The following BBS9 variants were observed in gnomAD, a reference collection of about 807,000 sequenced individuals.
BBS9 encodes protein PTHB1.
Under a neutral mutation model 117.7 loss-of-function variants are expected in BBS9, and 89 were observed. The ratio of observed to expected loss-of-function variants is 0.76; its 90% confidence interval spans 0.64 to 0.90. The LOEUF is 0.90. Among genes scored for constraint, BBS9 ranks in the 40% least tolerant of loss-of-function variants. The probability of loss-of-function intolerance (pLI) is 0.00; values close to 1 mark genes in which losing one functional copy is unlikely to be tolerated. For synonymous variants in BBS9, 379 were observed against 370.9 expected, an observed-to-expected ratio of 1.02 and a Z score of -0.25; for missense variants, 982 against 1,042.2, an observed-to-expected ratio of 0.94 and a Z score of 0.80.
intron 19 of BBS9, among the ~76,000 whole-genome samples, chr7:33,502,108 A>C (rs745914566): frequency 2.0e-5 from 3 of 151,900 alleles, no homozygotes; most frequent in African/African-American, 4.8e-5. Flanking sequence ...TGGGTTTTCA[A>C]CATGTTGGCC....
intron 20 of BBS9, among the ~76,000 whole-genome samples, chr7:33,507,498 C>T (rs1380603381): frequency 6.6e-6 from 1 of 152,210 alleles, no homozygotes; most frequent in Non-Finnish European, 1.5e-5. Flanking sequence ...TCTGCCTCGG[C>T]CTCCCAAAGT....
At chr7:33,288,786 A>G (rs533573113) in intron 9 of BBS9, among the ~76,000 whole-genome samples, 1 of 152,218 alleles carries the variant, frequency 6.6e-6, no homozygotes, top group Admixed American at 6.5e-5. Flanking sequence ...TTGTATCATT[A>G]TGTGCCAGGC....
intron 4 of BBS9, among the ~76,000 whole-genome samples, chr7:33,155,967 C>T (rs73687352): frequency 0.017 from 2,579 of 152,192 alleles, 61 homozygotes; most frequent in African/African-American, 0.059. Context: ...GAATTGTTTC[C>T]GGGATTGCCT....
intron 13 of BBS9, 171 bp downstream of exon 13, chr7:33,349,341 G>A (rs754546525): frequency 3.7e-5 from 24 of 652,946 alleles, no homozygotes; most frequent in Middle Eastern, 2.5e-4. Flanking sequence ...CAGCATGAAC[G>A]TTCAATCAAT....
At chr7:33,165,198 G>T (rs533137689) in intron 4 of BBS9, among the ~76,000 whole-genome samples, 2 of 152,140 alleles carry the variant, frequency 1.3e-5, no homozygotes, top group African/African-American at 4.8e-5. Context: ...CGAGAGATCC[G>T]CTGTTAGTCT....
intron 21 of BBS9, among the ~76,000 whole-genome samples, chr7:33,602,125 G>A (rs1451021): frequency 0.46 from 69,193 of 152,054 alleles, 20,642 homozygotes; most frequent in African/African-American, 0.82. Flanking sequence ...AAGGGAATAT[G>A]TGAGGCCATG....
intron 14 of BBS9, 35 bp downstream of exon 14, chr7:33,351,358 T>G (rs1288248103): frequency 7.0e-7 from 1 of 1,423,784 alleles, no homozygotes; most frequent in Non-Finnish European, 9.9e-7. Context: ...CTTTAAGTTG[T>G]TGGAGTTATG....
chr7:33,380,415 G>C (rs1284564749), intron 17 of BBS9: 1 of 155,306 alleles, frequency 6.4e-6, no homozygotes, highest in Non-Finnish European at 1.4e-5. Flanking sequence ...GACACTATTG[G>C]CAGAGTTCCA....
chr7:33,439,533 C>CTTTTT (rs11384028), intron 19 of BBS9, among the ~76,000 whole-genome samples: 2 of 131,408 alleles, frequency 1.5e-5, no homozygotes, highest in Non-Finnish European at 3.2e-5. Flanking sequence ...TTTTTATCAC[C>CTTTTT]TTTTTTTTTT....
Position 33,630,349 on chromosome 7 carries a change from A to AT in BBS9, c.2522-4818dup, listed in dbSNP as rs200951902. On this transcript the variant is annotated intron_variant, in intron 21 of 21. Transcript: ENST00000671952. ...AGAAATTTAAAGTGTACAAGTTCAA[A>AT]TTTTTTTTTTCAAATCACAGCATAA... is the stretch of plus-strand genomic sequence containing the variant. Among the ~76,000 whole-genome samples, 75 of 150,858 alleles carry AT rather than the reference A, an allele frequency of 5.0e-4. No individual in the cohort carries two copies. In the East Asian group the frequency reaches 0.011, roughly 21 times the overall value.
chr7:33,558,805 G>A (rs1012881465), intron 21 of BBS9, among the ~76,000 whole-genome samples: 10 of 152,126 alleles, frequency 6.6e-5, no homozygotes, highest in African/African-American at 2.4e-4. Context: ...AAAGTGGAGA[G>A]AGTAGAAAAG....
intron 21 of BBS9, among the ~76,000 whole-genome samples, chr7:33,565,992 GA>G (rs906381468): frequency 1.1e-4 from 17 of 149,278 alleles, no homozygotes; most frequent in African/African-American, 3.9e-4. Context: ...TACTATTGGG[GA>G]AAAAAAATGT....
intron 5 of BBS9, among the ~76,000 whole-genome samples, chr7:33,181,390 C>T (rs1366675265): frequency 6.6e-6 from 1 of 152,172 alleles, no homozygotes; most frequent in Non-Finnish European, 1.5e-5. Context: ...AGGCACCATG[C>T]CCAGCCAAAT....
intron 5 of BBS9, among the ~76,000 whole-genome samples, chr7:33,216,561 C>T (rs754810116): frequency 7.9e-5 from 12 of 151,974 alleles, no homozygotes; most frequent in Admixed American, 2.0e-4. Context: ...AAGAAATCTA[C>T]GGGAAGTATA....
intron 16 of BBS9, among the ~76,000 whole-genome samples, chr7:33,363,528 A>G (rs751427147): frequency 5.3e-5 from 8 of 152,200 alleles, no homozygotes; most frequent in Non-Finnish European, 1.5e-5. Context: ...TTACATGCAA[A>G]TCAAAACAGT....
At chr7:33,395,492 AAC>A in intron 19 of BBS9, among the ~76,000 whole-genome samples, 1 of 152,150 alleles carries the variant, frequency 6.6e-6, no homozygotes, top group Non-Finnish European at 1.5e-5. Context: ...CTTCAACACT[AAC>A]CCTCTGTTGT....
chr7:33,328,084 T>A (rs1000524722), intron 9 of BBS9, among the ~76,000 whole-genome samples: 1 of 152,134 alleles, frequency 6.6e-6, no homozygotes, highest in African/African-American at 2.4e-5. Context: ...GGAGCTGGCG[T>A]GAAGAAAGTA....
At chr7:33,262,671 C>T (rs146568657) in intron 6 of BBS9, among the ~76,000 whole-genome samples, 2 of 152,274 alleles carry the variant, frequency 1.3e-5, no homozygotes, top group East Asian at 1.9e-4. Context: ...TTACTTCATG[C>T]GCCCCATGAC....
chr7:33,523,086 T>C (rs1848896490), intron 20 of BBS9, among the ~76,000 whole-genome samples: 1 of 149,218 alleles, frequency 6.7e-6, no homozygotes, highest in South Asian at 2.1e-4. Context: ...CTGAGGGCTC[T>C]GTTCTGTTCC....
Sources: allele counts gnomAD v4.1 joint callset (sites outside exome capture counted in the v4.1 genomes callset), GRCh38; gene constraint gnomAD v4.1.1; transcripts MANE v1.5; gene names NCBI Gene and HGNC (gene_info 2026-07-23, HGNC 2026-07-21).